The following NRG3 variants were observed in gnomAD, a reference collection of about 807,000 sequenced individuals.
NRG3 encodes the protein neuregulin 3, also known as pro-neuregulin-3, membrane-bound isoform.
A neutral mutation model predicts 66.9 loss-of-function variants in NRG3; 31 were observed. The ratio of observed to expected loss-of-function variants is 0.46; its 90% CI spans 0.35 to 0.63. The LOEUF (loss-of-function observed/expected upper bound fraction) is 0.63. Among genes scored for constraint, NRG3 ranks in the 20% least tolerant of loss-of-function variants. The pLI is 0.00. For missense variants in NRG3, 910 were observed against 878.9 expected (o/e 1.04, Z -0.45); for synonymous variants, 393 against 359.4 (o/e 1.09, Z -1.06).
At chr10:82,178,188 T>C (rs1265170988) in intron 1 of NRG3, among the ~76,000 whole-genome samples, 2 of 152,094 alleles carry the variant, frequency 1.3e-5, no homozygotes, top group Non-Finnish European at 2.9e-5. Flanking sequence ...CACATAAAAA[T>C]GAGAAAAAGG....
At chr10:82,737,493 A>G (rs959981120) in intron 2 of NRG3, among the ~76,000 whole-genome samples, 4 of 152,084 alleles carry the variant, frequency 2.6e-5, no homozygotes, top group African/African-American at 7.2e-5. Flanking sequence ...TCTTTTGTCA[A>G]TTTCATAGAT....
chr10:82,458,551 A>G (rs182791096), intron 2 of NRG3, among the ~76,000 whole-genome samples: 2 of 152,308 alleles, frequency 1.3e-5, no homozygotes, highest in South Asian at 2.1e-4. Context: ...TGGAGAATGA[A>G]GTAGAAAAAG....
At chr10:82,801,780 T>G (rs1242262175) in intron 3 of NRG3, among the ~76,000 whole-genome samples, 1 of 152,206 alleles carries the variant, frequency 6.6e-6, no homozygotes, top group Non-Finnish European at 1.5e-5. Flanking sequence ...ATATATTCAC[T>G]TGCCCCTGTG....
At chr10:82,060,555 A>C (rs910229241) in intron 1 of NRG3, among the ~76,000 whole-genome samples, 1 of 152,218 alleles carries the variant, frequency 6.6e-6, no homozygotes, top group Admixed American at 6.5e-5. Flanking sequence ...GATTTCAAGA[A>C]TGTGCTTTAA....
At chr10:82,377,439 T>TGC (rs2085320019) in intron 2 of NRG3, among the ~76,000 whole-genome samples, 1 of 118,554 alleles carries the variant, frequency 8.4e-6, no homozygotes, top group Non-Finnish European at 1.6e-5. Flanking sequence ...TGTGCGCGTG[T>TGC]GTGTGTGTGT....
intron 1 of NRG3, among the ~76,000 whole-genome samples, chr10:82,266,153 A>C (rs919758061): frequency 2.0e-5 from 3 of 152,226 alleles, no homozygotes; most frequent in Admixed American, 2.0e-4. Context: ...GGACCAATGA[A>C]TACAGTTCAT....
chr10:81,980,343 A>G (rs557517743), intron 1 of NRG3, among the ~76,000 whole-genome samples: 9 of 152,186 alleles, frequency 5.9e-5, no homozygotes, highest in Non-Finnish European at 8.8e-5. Flanking sequence ...TCGTCTTGTC[A>G]GTTAATGAGG....
intron 1 of NRG3, among the ~76,000 whole-genome samples, chr10:82,072,899 T>A (rs1335823958): frequency 6.6e-6 from 1 of 152,124 alleles, no homozygotes; most frequent in African/African-American, 2.4e-5. Flanking sequence ...TCTGAGTAGC[T>A]GGGACTACAG....
At chr10:82,751,520 G>A (rs897197898) in intron 3 of NRG3, among the ~76,000 whole-genome samples, 34 of 152,240 alleles carry the variant, frequency 2.2e-4, no homozygotes, top group African/African-American at 7.9e-4. Flanking sequence ...CAGGGAATTT[G>A]TAAATCAAAA....
At position 82,423,063 on chromosome 10, in the gene NRG3, T is replaced by C. The variant is rs1202596676; in HGVS notation, c.953+64195T>C. 3.3e-5 allele frequency among the ~76,000 whole-genome samples: 5 copies of C among 152,076 alleles called. No individual in the cohort carries two copies. The East Asian group carries it at 7.7e-4, about 23-fold the overall frequency. On this transcript the variant is annotated intron_variant, in intron 2 of 8. Coordinates refer to ENST00000372141, the MANE Select transcript of NRG3 (RefSeq NM_001010848.4). ...TAACTTCTTAATTCCAAAGAGTTTG[T>C]GCACATCAATAGAATTTTGTTCAAA...
At chr10:82,283,011 C>T (rs767898493) in intron 1 of NRG3, among the ~76,000 whole-genome samples, 2 of 152,002 alleles carry the variant, frequency 1.3e-5, no homozygotes, top group Non-Finnish European at 2.9e-5. Flanking sequence ...TTCACTAATG[C>T]GATCTGCTCT....
chr10:81,911,765 CA>C (rs1427731381), intron 1 of NRG3, among the ~76,000 whole-genome samples: 2 of 151,522 alleles, frequency 1.3e-5, no homozygotes, highest in Non-Finnish European at 2.9e-5. Context: ...CGAAACCAAC[CA>C]CAACAGCAAA....
intron 1 of NRG3, among the ~76,000 whole-genome samples, chr10:81,921,499 T>G (rs1846250203): frequency 6.6e-6 from 1 of 152,144 alleles, no homozygotes. Context: ...GGTTTTTAAC[T>G]TGTTAAGTAA....
At chr10:82,333,902 G>A (rs1194349189) in intron 1 of NRG3, among the ~76,000 whole-genome samples, 1 of 152,098 alleles carries the variant, frequency 6.6e-6, no homozygotes, top group Non-Finnish European at 1.5e-5. Context: ...GAGAAAAAGG[G>A]ATGGGAGCCG....
chr10:82,681,153 CT>C (rs1342003493), intron 2 of NRG3, among the ~76,000 whole-genome samples: 1 of 152,142 alleles, frequency 6.6e-6, no homozygotes, highest in Non-Finnish European at 1.5e-5. Flanking sequence ...AAAAAACTGC[CT>C]TTTGGGTAAG....
intron 1 of NRG3, among the ~76,000 whole-genome samples, chr10:81,880,459 C>T (rs1242774217): frequency 6.6e-6 from 1 of 152,142 alleles, no homozygotes; most frequent in Non-Finnish European, 1.5e-5. Context: ...TGAAGCTTTT[C>T]TAAATTCAGG....
intron 3 of NRG3, among the ~76,000 whole-genome samples, chr10:82,793,069 A>G (rs2060655590): frequency 6.6e-6 from 1 of 151,416 alleles, no homozygotes; most frequent in Non-Finnish European, 1.5e-5. Context: ...TGGGTTTTTT[A>G]TTTTGGTTTT....
At chr10:82,809,047 G>A (rs1024549229) in intron 3 of NRG3, among the ~76,000 whole-genome samples, 6 of 152,116 alleles carry the variant, frequency 3.9e-5, no homozygotes, top group African/African-American at 1.4e-4. Context: ...CTGAGAGGAG[G>A]CGATGGTGGG....
At chr10:82,147,482 T>C (rs187179907) in intron 1 of NRG3, among the ~76,000 whole-genome samples, 1 of 152,334 alleles carries the variant, frequency 6.6e-6, no homozygotes, top group Admixed American at 6.5e-5. Context: ...ATTTCCATTA[T>C]TTTAATGAGA....
Sources: gnomAD v4.1 joint callset for allele counts (sites outside exome capture counted in the v4.1 genomes callset) on GRCh38, gnomAD v4.1.1 for gene constraint, MANE v1.5 for transcripts, NCBI Gene and HGNC (gene_info 2026-07-23, HGNC 2026-07-21) for gene names.